Variants in GOLIM4 observed in about 807,000 individuals in gnomAD.
GOLIM4 encodes the protein golgi integral membrane protein 4.
A neutral mutation model predicts 107.4 loss-of-function variants in GOLIM4; 71 were observed. That is an observed-to-expected ratio of 0.66 (90% CI 0.55 to 0.81). GOLIM4 has a LOEUF of 0.81. Ranked by LOEUF, GOLIM4 falls within the 30% of genes least tolerant of loss-of-function variation. The pLI, the probability that GOLIM4 is intolerant of heterozygous loss-of-function variation, is 0.00. For synonymous variants in GOLIM4, 327 were observed against 294.8 expected (o/e 1.11, Z -1.12); for missense variants, 830 against 826.1 (o/e 1.00, Z -0.06).
rs1318612936 is a variant in GOLIM4, at chr3:168,010,819, T to C, written c.1865A>G (p.Gln622Arg). The part of the protein sequence containing the change: ...QYQEEAEEEV[Q>R]EDLTEEKKRE... ...TTTTTTCTCTTCAGTCAAATCTTCC[T>C]GAACCTAAAACAAACCACAGATATC... The change falls in exon 15 of 16, where the codon CAG (glutamine) becomes CGG (arginine). Residue 622 changes from glutamine to arginine, a missense_variant. Coordinates refer to ENST00000470487, the MANE Select transcript of GOLIM4 (RefSeq NM_014498.5). 1 of 1,606,946 alleles carries C rather than the reference T, an allele frequency of 6.2e-7. No individual in the cohort carries two copies. The highest frequency in any genetic ancestry group is 8.5e-7 in the Non-Finnish European group (1 of 1,174,558).
At chr3:168,061,433 A>C (rs1192448743) in intron 1 of GOLIM4, among the ~76,000 whole-genome samples, 3 of 152,206 alleles carry the variant, frequency 2.0e-5, no homozygotes, top group Admixed American at 6.5e-5. Flanking sequence ...TGATGAAGGC[A>C]TATCCTAAGA....
At chr3:168,042,213 T>G (rs1461148780) in intron 5 of GOLIM4, among the ~76,000 whole-genome samples, 2 of 152,098 alleles carry the variant, frequency 1.3e-5, no homozygotes, top group African/African-American at 2.4e-5. Context: ...TAAAACCAAT[T>G]ATCTCACTTT....
chr3:168,047,003 G>A lies in GOLIM4; in HGVS notation c.263-4C>T. On this transcript the variant is annotated splice_polypyrimidine_tract_variant and splice_region_variant and intron_variant, in intron 2 of 15. Coordinates refer to ENST00000470487, the MANE Select transcript of GOLIM4 (RefSeq NM_014498.5). ...TCTAACTTATAAACAAGAAAATCTAGAAAATACAAGATGGAAAAAAACAGT... is the reference window on the plus strand; with the variant it reads ...TCTAACTTATAAACAAGAAAATCTAAAAAATACAAGATGGAAAAAAACAGT... 2.5e-6 allele frequency: 3 copies of A among 1,216,712 alleles called. No homozygotes were observed. The highest frequency in any genetic ancestry group is 3.5e-6 in the Non-Finnish European group (3 of 862,852). The allele number at this position is 1,216,712 out of a possible 1,614,324, so 75.4% of individuals were successfully genotyped here.
chr3:168,046,100 T>G (rs190200193), intron 3 of GOLIM4, among the ~76,000 whole-genome samples: 1 of 152,322 alleles, frequency 6.6e-6, no homozygotes, highest in South Asian at 2.1e-4. Context: ...CTCAAACTCC[T>G]GGCCTCAGGC....
At chr3:168,031,975 C>T (rs570713485) in intron 9 of GOLIM4, among the ~76,000 whole-genome samples, 15 of 152,132 alleles carry the variant, frequency 9.9e-5, no homozygotes, top group East Asian at 9.6e-4. Flanking sequence ...GTGTAAGTGG[C>T]GTGTCCAGTA....
chr3:168,021,931 C>G (rs1477160509), intron 14 of GOLIM4, among the ~76,000 whole-genome samples: 2 of 151,998 alleles, frequency 1.3e-5, no homozygotes, highest in African/African-American at 2.4e-5. Context: ...TTGGCAATGC[C>G]ATAAATTGTC....
At chr3:168,055,739 T>G (rs1719919029) in intron 1 of GOLIM4, among the ~76,000 whole-genome samples, 1 of 149,744 alleles carries the variant, frequency 6.7e-6, no homozygotes, top group African/African-American at 2.5e-5. Context: ...GAGGCGGAGC[T>G]TGCAGTGAGC....
chr3:168,023,603 T>C (rs892299260), intron 14 of GOLIM4, among the ~76,000 whole-genome samples: 1 of 152,292 alleles, frequency 6.6e-6, no homozygotes. Flanking sequence ...CATATGTCCA[T>C]CCTCCCATGG....
rs200359669 is a variant in GOLIM4, at chr3:168,010,367, G to A, written c.1993C>T (p.Arg665Cys). Residue 665 changes from arginine (R) to cysteine (C), a missense_variant, in exon 16 of 16, where the codon CGC becomes TGC. Physicochemically the swap from Arg to Cys is radical, Grantham distance 180 (BLOSUM62 -3). Coordinates refer to ENST00000470487, the MANE Select transcript of GOLIM4 (RefSeq NM_014498.5). ...TAGTGTTCCTCTCGGCCTTTGGGGC[G>A]GTTGTCATCTCGAACTTCTTGCTCT... ...GEEQEVRDDNRPKGREEHYEE... is the reference protein window; with the variant it reads ...GEEQEVRDDNCPKGREEHYEE... 88 of 1,612,052 alleles carry A rather than the reference G, an allele frequency of 5.5e-5. 1 individual carries two copies. The highest frequency in any genetic ancestry group is 1.2e-4 in the African/African-American group (9 of 74,884).
intron 4 of GOLIM4, among the ~76,000 whole-genome samples, chr3:168,043,796 G>A (rs548365615): frequency 7.9e-5 from 12 of 152,316 alleles, no homozygotes; most frequent in African/African-American, 2.2e-4. Context: ...GGGAAAAAAT[G>A]TGGGAAAATT....
intron 14 of GOLIM4, among the ~76,000 whole-genome samples, chr3:168,011,041 C>A (rs1179769085): frequency 6.6e-6 from 1 of 152,132 alleles, no homozygotes; most frequent in Admixed American, 6.5e-5. Flanking sequence ...AAGGGAGGAG[C>A]CAAGATGGCC....
intron 1 of GOLIM4, among the ~76,000 whole-genome samples, chr3:168,083,374 A>G (rs1478512941): frequency 6.6e-6 from 1 of 152,224 alleles, no homozygotes; most frequent in Admixed American, 6.5e-5. Context: ...CTACTTGCCA[A>G]AGAAACAGTT....
chr3:168,061,564 C>T (rs781723399), intron 1 of GOLIM4, among the ~76,000 whole-genome samples: 57 of 152,294 alleles, frequency 3.7e-4, no homozygotes, highest in Non-Finnish European at 2.6e-4. Context: ...GAAACCACAT[C>T]TATCATAGTA....
intron 14 of GOLIM4, among the ~76,000 whole-genome samples, chr3:168,012,896 A>T (rs1717137949): frequency 6.6e-6 from 1 of 151,794 alleles, no homozygotes; most frequent in African/African-American, 2.4e-5. Context: ...GAAGCGCTAA[A>T]CATGGAAAGG....
At chr3:168,077,715 T>A (rs374922204) in intron 1 of GOLIM4, among the ~76,000 whole-genome samples, 1 of 152,152 alleles carries the variant, frequency 6.6e-6, no homozygotes, top group African/African-American at 2.4e-5. Context: ...TCTCCTCAAC[T>A]AATAATAATT....
intron 11 of GOLIM4, among the ~76,000 whole-genome samples, chr3:168,028,875 A>G (rs1468418241): frequency 6.6e-6 from 1 of 152,244 alleles, no homozygotes; most frequent in Non-Finnish European, 1.5e-5. Context: ...CTTAATTTGA[A>G]AACATTTTAA....
chr3:168,017,636 C>A (rs1717447130), intron 14 of GOLIM4, among the ~76,000 whole-genome samples: 1 of 152,180 alleles, frequency 6.6e-6, no homozygotes, highest in South Asian at 2.1e-4. Flanking sequence ...GCTTGTCCAA[C>A]CTGTGGCCTC....
intron 1 of GOLIM4, among the ~76,000 whole-genome samples, chr3:168,058,186 CA>C (rs1313540513): frequency 6.6e-6 from 1 of 152,158 alleles, no homozygotes; most frequent in Admixed American, 6.5e-5. Flanking sequence ...ATAGTTCACA[CA>C]AGTGTCCATT....
Position 168,030,050 on chromosome 3 carries a change from G to C in GOLIM4, c.1177-14C>G. 1 of 1,612,682 alleles carries C rather than the reference G, an allele frequency of 6.2e-7. No individual in the cohort carries two copies. The highest frequency in any genetic ancestry group is 8.5e-7 in the Non-Finnish European group (1 of 1,178,888). On this transcript the variant is annotated splice_polypyrimidine_tract_variant and intron_variant, in intron 9 of 15. Transcript: ENST00000470487. ...TGAAGGGTACACCTAGGGTGAAAAAGAGTTGGTGCAGAGCAAGAGGGGTTA... is the reference window on the plus strand; with the variant it reads ...TGAAGGGTACACCTAGGGTGAAAAACAGTTGGTGCAGAGCAAGAGGGGTTA...
Sources: allele counts gnomAD v4.1 joint callset (sites outside exome capture counted in the v4.1 genomes callset), GRCh38; gene constraint gnomAD v4.1.1; transcripts MANE v1.5; gene names NCBI Gene and HGNC (gene_info 2026-07-23, HGNC 2026-07-21).